Variants in NGRN observed in about 807,000 individuals in gnomAD.
NGRN encodes neugrin.
Under a neutral mutation model 13.1 loss-of-function variants are expected in NGRN, and 12 were observed. The ratio of observed to expected loss-of-function variants is 0.92; its 90% CI spans 0.59 to 1.49. The LOEUF (loss-of-function observed/expected upper bound fraction) is 1.49. Among genes scored for constraint, NGRN ranks in the 40% most tolerant of loss-of-function variants. The pLI is 0.00. For synonymous variants in NGRN, 149 were observed against 145.8 expected (o/e 1.02, Z -0.16); for missense variants, 397 against 357.0 (o/e 1.11, Z -0.90).
At chr15:90,269,106 G>A (rs1186022077) in intron 2 of NGRN, among the ~76,000 whole-genome samples, 5 of 141,054 alleles carry the variant, frequency 3.5e-5, no homozygotes, top group South Asian at 2.2e-4. Flanking sequence ...AGTGATTGTC[G>A]TGCCTCAGCC....
upstream of NGRN, chr15:90,265,668 C>CGCTGCTGTTTCGTAGCCG (rs1567081732): frequency 2.5e-6 from 4 of 1,606,438 alleles, no homozygotes; most frequent in Non-Finnish European, 3.4e-6. Context: ...CGGCTACTTC[C>CGCTGCTGTTTCGTAGCCG]GCTGCTGTTT....
chr15:90,271,679 A>G lies in NGRN; in HGVS notation c.767A>G (p.Gln256Arg), dbSNP rs143731872. The change falls in exon 3 of 3, where the codon CAG (glutamine) becomes CGG (arginine). Residue 256 changes from glutamine to arginine, a missense_variant. Gln to Arg is a conservative substitution (Grantham distance 43). Transcript: ENST00000379095. ...GTGSGALPSGQKLEELKAEEP... is the reference protein window; with the variant it reads ...GTGSGALPSGRKLEELKAEEP... ...GGCAGTGGTGCGTTGCCAAGTGGTC[A>G]GAAGCTGGAGGAGTTGAAGGCAGAG... 6.2e-6 allele frequency: 10 copies of G among 1,614,100 alleles called. No homozygotes were observed. The African/African-American group carries it at 1.2e-4, about 19-fold the overall frequency.
Position 90,265,685 on chromosome 15 carries a change from C to G in NGRN, c.-28C>G, listed in dbSNP as rs932908248. The G allele has an allele frequency of 8.1e-6, 13 of 1,612,396 alleles. No homozygotes were observed. Among genetic ancestry groups the G allele is most frequent in the Non-Finnish European group, 1.0e-5 (12 of 1,179,552 alleles). On this transcript the variant is annotated 5_prime_UTR_variant, in exon 1 of 3. Coordinates refer to ENST00000379095, the MANE Select transcript of NGRN (RefSeq NM_001033088.3). ...GCTACTTCCGCTGCTGTTTCGTAGCCGACTGCTGAAGGCTGGTTTGCGTCG... is the reference window on the plus strand; with the variant it reads ...GCTACTTCCGCTGCTGTTTCGTAGCGGACTGCTGAAGGCTGGTTTGCGTCG...
intron 2 of NGRN, among the ~76,000 whole-genome samples, chr15:90,270,347 G>A (rs965305865): frequency 1.3e-5 from 2 of 152,112 alleles, no homozygotes; most frequent in African/African-American, 2.4e-5. Context: ...GTGATGTGCC[G>A]CTTTACATTT....
chr15:90,271,701 A>G lies in NGRN; in HGVS notation c.789A>G (p.Ala263=), dbSNP rs139348924. 1,103 of 1,614,188 alleles carry G rather than the reference A, an allele frequency of 6.8e-4. 7 individuals carry two copies. The African/African-American group carries it at 0.013, about 19-fold the overall frequency. The change falls in exon 3 of 3, where the codon GCA becomes GCG. Residue 263 remains alanine, a synonymous_variant. Coordinates refer to ENST00000379095, the MANE Select transcript of NGRN (RefSeq NM_001033088.3). The part of the protein sequence containing the change: ...PSGQKLEELK[A]EEPDNFSSKV... ...GTCAGAAGCTGGAGGAGTTGAAGGC[A>G]GAGGAGCCAGATAACTTCAGCAGCA...
In NGRN at chr15:90,265,892, C is replaced by G; in HGVS notation, c.164+16C>G. The G allele has an allele frequency of 1.3e-6, 2 of 1,529,324 alleles. No homozygotes were observed. Among genetic ancestry groups the G allele is most frequent in the Non-Finnish European group, 1.8e-6 (2 of 1,140,036 alleles). 94.7% of individuals were successfully genotyped at this position (1,529,324 alleles called of 1,614,324 possible). ...AGGTGGAGAGGTACCGGCTTCTCCC[C>G]GGGCCCTCAGCTTGAAGCAGGGCCT... On this transcript the variant is annotated intron_variant, in intron 1 of 2. Coordinates refer to ENST00000379095, the MANE Select transcript of NGRN (RefSeq NM_001033088.3).
chr15:90,271,590 A>G lies in NGRN; in HGVS notation c.678A>G (p.Ala226=), dbSNP rs1963505796. ...AGGAGAGCTTTGTGCCTGTTGCTGC[A>G]CCCCTAGGTCATCCAAGAGAGCTGC... ...DLEESFVPVA[A]PLGHPRELQK... The change falls in exon 3 of 3, where the codon GCA becomes GCG. Residue 226 remains alanine (A), a synonymous_variant. Transcript: ENST00000379095. The G allele has an allele frequency of 6.2e-7, 1 of 1,614,024 alleles. No individual in the cohort carries two copies. The highest frequency in any genetic ancestry group is 8.5e-7 in the Non-Finnish European group (1 of 1,180,038).
rs1207465147 is a variant in NGRN, at chr15:90,266,342, G to T, written c.219G>T (p.Met73Ile). 1 of 1,613,954 alleles carries T rather than the reference G, an allele frequency of 6.2e-7. No homozygotes were observed. Among genetic ancestry groups the T allele is most frequent in the East Asian group, 2.2e-5 (1 of 44,870 alleles). The change falls in exon 2 of 3, where the codon ATG becomes ATT. Residue 73 changes from methionine to isoleucine, a missense_variant. Physicochemically the swap from Met to Ile is conservative, Grantham distance 10 (BLOSUM62 1). Transcript: ENST00000379095. ...GATTCCAGAAAATTCGGAGGCAAATGGAGGCGCCTGGTGCCCCGCCCAGGA... is the reference window on the plus strand; with the variant it reads ...GATTCCAGAAAATTCGGAGGCAAATTGAGGCGCCTGGTGCCCCGCCCAGGA... The part of the protein sequence containing the change: ...AIRFQKIRRQ[M>I]EAPGAPPRTL...
At chr15:90,266,114 T>C in intron 1 of NGRN, 174 bp from the exon 2 acceptor site, 1 of 1,439,934 alleles carries the variant, frequency 6.9e-7, no homozygotes, top group Non-Finnish European at 9.1e-7. Context: ...AGGCAGTTAT[T>C]GTTCTAGGTG....
chr15:90,271,756 G>C lies in NGRN; in HGVS notation c.844G>C (p.Asp282His). ...AGTGCAGAGGGGCCGAGAGTTCTTT[G>C]ACAGCAACGGGAACTTCCTGTACAG... ...KVVQRGREFFDSNGNFLYRI is the reference protein window; with the variant it reads ...KVVQRGREFFHSNGNFLYRI The change falls in exon 3 of 3, where the codon GAC becomes CAC. Residue 282 changes from aspartate to histidine, a missense_variant. Coordinates refer to ENST00000379095, the MANE Select transcript of NGRN (RefSeq NM_001033088.3). The C allele has an allele frequency of 6.2e-7, 1 of 1,614,164 alleles. No individual in the cohort carries two copies. Among genetic ancestry groups the C allele is most frequent in the Non-Finnish European group, 8.5e-7 (1 of 1,180,044 alleles).
chr15:90,271,044 T>C lies in NGRN; in HGVS notation c.276-144T>C, dbSNP rs1963494034. On this transcript the variant is annotated intron_variant, in intron 2 of 2. Coordinates refer to ENST00000379095, the MANE Select transcript of NGRN (RefSeq NM_001033088.3). ...CTCCTGGGCTCAAGTGATCCGCCTA[T>C]CTCGGCCTCTCAGAGTTCTGGGATT... 4.3e-6 allele frequency: 4 copies of C among 937,200 alleles called. No homozygotes were observed. The South Asian group carries it at 5.0e-5, about 12-fold the overall frequency. 58.1% of individuals were successfully genotyped at this position (937,200 alleles called of 1,614,324 possible). A position where few individuals can be genotyped will look rare whatever the true frequency, so the allele number is the denominator to read the frequency against.
chr15:90,267,851 C>T (rs971627109), intron 2 of NGRN, among the ~76,000 whole-genome samples: 1 of 152,118 alleles, frequency 6.6e-6, no homozygotes, highest in Non-Finnish European at 1.5e-5. Flanking sequence ...GCTAAGTAGC[C>T]CTACATAGAT....
intron 2 of NGRN, among the ~76,000 whole-genome samples, chr15:90,268,654 A>G (rs1787053345): frequency 6.6e-6 from 1 of 152,048 alleles, no homozygotes; most frequent in African/African-American, 2.4e-5. Flanking sequence ...GTTTGTTTGT[A>G]TCACTGCAAT....
At chr15:90,270,816 C>T (rs1422004135) in intron 2 of NGRN, among the ~76,000 whole-genome samples, 3 of 152,162 alleles carry the variant, frequency 2.0e-5, no homozygotes, top group Admixed American at 6.5e-5. Flanking sequence ...ACTACATTTG[C>T]GGTTTTTCAA....
At chr15:90,266,254 C>G (rs1255566154) in intron 1 of NGRN, 34 bp from the exon 2 acceptor site, 1 of 1,599,202 alleles carries the variant, frequency 6.3e-7, no homozygotes. Context: ...TCTGCTTCCA[C>G]GCATGGCTTC....
intron 1 of NGRN, 129 bp from the exon 2 acceptor site, chr15:90,266,159 G>T: frequency 1.4e-6 from 2 of 1,472,540 alleles, no homozygotes; most frequent in Non-Finnish European, 9.0e-7. Flanking sequence ...GCTCTAAGCC[G>T]GCAACATGGC....
Position 90,265,746 on chromosome 15 carries a change from C to T in NGRN, c.34C>T (p.Arg12Cys). The change falls in exon 1 of 3, where the codon CGC becomes TGC. Residue 12 changes from arginine to cysteine, a missense_variant. Physicochemically the swap from Arg to Cys is radical, Grantham distance 180. Transcript: ENST00000379095. ...AVTLSLLLGGRVCAAVTRCGF... is the reference protein window; with the variant it reads ...AVTLSLLLGGCVCAAVTRCGF... ...TACCCTGAGTCTCTTGCTGGGCGGG[C>T]GCGTTTGCGCCGCCGTCACTCGCTG... 6.2e-7 allele frequency: 1 copy of T among 1,613,162 alleles called. No homozygotes were observed. The highest frequency in any genetic ancestry group is 1.1e-5 in the South Asian group (1 of 91,046).
rs368838597 is a variant in NGRN at position 90,265,709 on chromosome 15, C to G, written c.-4C>G. 24 of 1,613,254 alleles carry G rather than the reference C, an allele frequency of 1.5e-5. No homozygotes were observed. The highest frequency in any genetic ancestry group is 1.8e-5 in the Non-Finnish European group (21 of 1,179,858). On this transcript the variant is annotated 5_prime_UTR_variant, in exon 1 of 3. Coordinates refer to ENST00000379095, the MANE Select transcript of NGRN (RefSeq NM_001033088.3). ...CCGACTGCTGAAGGCTGGTTTGCGT[C>G]GACATGGCGGTTACCCTGAGTCTCT...
chr15:90,266,040 G>A, intron 1 of NGRN, 164 bp downstream of exon 1: 1 of 1,421,454 alleles, frequency 7.0e-7, no homozygotes, highest in Non-Finnish European at 9.1e-7. Context: ...AGCTCCCCTG[G>A]GACCACTGGT....
Sources: allele counts gnomAD v4.1 joint callset (sites outside exome capture counted in the v4.1 genomes callset), GRCh38; gene constraint gnomAD v4.1.1; transcripts MANE v1.5; gene names NCBI Gene and HGNC (gene_info 2026-07-23, HGNC 2026-07-21).